Variants in SH3GL3 observed in about 807,000 individuals in gnomAD.
SH3GL3 encodes endophilin-A3.
A neutral mutation model predicts 47.7 loss-of-function variants in SH3GL3; 33 were observed. The ratio of observed to expected loss-of-function variants is 0.69; its 90% CI spans 0.52 to 0.92. SH3GL3 has a LOEUF of 0.92. SH3GL3 is among the 40% of genes least tolerant of loss of function. SH3GL3 has a pLI of 0.00. For missense variants in SH3GL3, 363 were observed against 417.8 expected (o/e 0.87, Z 1.14); for synonymous variants, 155 against 148.8 (o/e 1.04, Z -0.30).
chr15:83,528,914 T>C (rs997183125), intron 1 of SH3GL3, among the ~76,000 whole-genome samples: 1 of 152,264 alleles, frequency 6.6e-6, no homozygotes, highest in African/African-American at 2.4e-5. Flanking sequence ...TCTGCACATC[T>C]GATGTAACAG....
In SH3GL3 at chr15:83,612,585, C is replaced by T. The variant is rs566891107; in HGVS notation, c.839-5497C>T. Among the ~76,000 whole-genome samples the T allele has an allele frequency of 9.2e-5, 14 of 152,316 alleles. No individual in the cohort carries two copies. The South Asian group carries it at 2.9e-3, about 32-fold the overall frequency. On this transcript the variant is annotated intron_variant, in intron 8 of 8. Coordinates refer to ENST00000427482, the MANE Select transcript of SH3GL3 (RefSeq NM_003027.5). ...ACTGGGCTCCAGCCCCCGTGTTAGT[C>T]CAGAGAACTTTGACAGCTGCCTTCT...
intron 2 of SH3GL3, among the ~76,000 whole-genome samples, chr15:83,563,197 C>A (rs1350071121): frequency 6.6e-6 from 1 of 152,144 alleles, no homozygotes; most frequent in African/African-American, 2.4e-5. Context: ...AGCTTGCTTG[C>A]TTTCTATGTA....
intron 6 of SH3GL3, among the ~76,000 whole-genome samples, chr15:83,578,796 G>A (rs28728304): frequency 8.5e-4 from 129 of 151,948 alleles, no homozygotes; most frequent in African/African-American, 2.6e-3. Flanking sequence ...TCAGATTGCC[G>A]TATTGTTTTG....
intron 6 of SH3GL3, among the ~76,000 whole-genome samples, chr15:83,579,464 T>C (rs2059773346): frequency 1.3e-5 from 2 of 152,222 alleles, no homozygotes; most frequent in Non-Finnish European, 2.9e-5. Flanking sequence ...GAAACGGAGA[T>C]GGGCCGCCCA....
chr15:83,468,479 G>T (rs994130848), intron 1 of SH3GL3, among the ~76,000 whole-genome samples: 18 of 152,192 alleles, frequency 1.2e-4, no homozygotes, highest in Non-Finnish European at 2.5e-4. Flanking sequence ...TCACTATTAA[G>T]TGTAGTGTTC....
At chr15:83,461,991 G>A (rs994757630) in intron 1 of SH3GL3, among the ~76,000 whole-genome samples, 1 of 152,192 alleles carries the variant, frequency 6.6e-6, no homozygotes, top group Non-Finnish European at 1.5e-5. Flanking sequence ...TTATATACTT[G>A]TAGAAGGGAC....
intron 1 of SH3GL3, among the ~76,000 whole-genome samples, chr15:83,487,167 T>C (rs535324115): frequency 1.4e-4 from 22 of 152,140 alleles, no homozygotes; most frequent in African/African-American, 5.3e-4. Flanking sequence ...TATTCTTAAA[T>C]GTTTTAATCT....
intron 1 of SH3GL3, among the ~76,000 whole-genome samples, chr15:83,462,517 A>G (rs920752188): frequency 1.3e-5 from 2 of 152,200 alleles, no homozygotes; most frequent in African/African-American, 4.8e-5. Context: ...CCAGTCATGG[A>G]ATACTACCCA....
At chr15:83,464,639 AAAACCAGGACTC>A (rs779942661) in intron 1 of SH3GL3, among the ~76,000 whole-genome samples, 87 of 152,220 alleles carry the variant, frequency 5.7e-4, no homozygotes, top group Non-Finnish European at 1.2e-3. Flanking sequence ...AAGTAAAACA[AAAACCAGGACTC>A]ATCCTTGACA....
At chr15:83,457,695 ATATAT>A (rs768320192) in intron 1 of SH3GL3, among the ~76,000 whole-genome samples, 4 of 152,242 alleles carry the variant, frequency 2.6e-5, no homozygotes, top group Non-Finnish European at 5.9e-5. Flanking sequence ...GCATCAGAAA[ATATAT>A]TAAAGCTAAA....
intron 1 of SH3GL3, among the ~76,000 whole-genome samples, chr15:83,529,992 A>T (rs536759657): frequency 4.8e-4 from 73 of 151,940 alleles, no homozygotes; most frequent in Non-Finnish European, 1.2e-4. Flanking sequence ...GTGGTGTGGG[A>T]CTCTTGAGTG....
Position 83,593,071 on chromosome 15 carries a change from C to A in SH3GL3, c.838+4300C>A, listed in dbSNP as rs771029826. Among the ~76,000 whole-genome samples, 170 of 152,306 alleles carry A rather than the reference C, an allele frequency of 1.1e-3. 1 individual carries two copies. Among genetic ancestry groups the A allele is most frequent in the Non-Finnish European group, 2.1e-3 (145 of 68,030 alleles). ...AGTGCACTATCATTGCATTTCTATT[C>A]TTGTACAATTGTTGTCTTGATGACT... On this transcript the variant is annotated intron_variant, in intron 8 of 8. Coordinates refer to ENST00000427482, the MANE Select transcript of SH3GL3 (RefSeq NM_003027.5).
chr15:83,609,410 CA>C (rs760015165), intron 8 of SH3GL3: 10 of 443,542 alleles, frequency 2.3e-5, no homozygotes, highest in Middle Eastern at 4.5e-4. Flanking sequence ...GGAACAAAAA[CA>C]CTCAAAAGAC....
At chr15:83,554,428 C>T (rs2044836356) in intron 1 of SH3GL3, among the ~76,000 whole-genome samples, 1 of 152,148 alleles carries the variant, frequency 6.6e-6, no homozygotes, top group African/African-American at 2.4e-5. Flanking sequence ...CTCATGTGAT[C>T]CACCACTTCG....
In SH3GL3 at chr15:83,456,799, G is replaced by A. The variant is rs555190381; in HGVS notation, c.45+9221G>A. Among the ~76,000 whole-genome samples, 3 of 152,124 alleles carry A rather than the reference G, an allele frequency of 2.0e-5. No homozygotes were observed. In the East Asian group the frequency reaches 5.8e-4, roughly 30 times the overall value. On this transcript the variant is annotated intron_variant, in intron 1 of 8. Transcript: ENST00000427482. ...TCGCTCACGCTGGGAGCTGTAGACC[G>A]GAGCTGTTCCTATTCGGCCATCTTG...
chr15:83,566,539 C>T (rs1416929428), intron 3 of SH3GL3, among the ~76,000 whole-genome samples: 2 of 152,146 alleles, frequency 1.3e-5, no homozygotes, highest in Admixed American at 6.5e-5. Flanking sequence ...CTTTGGGAGG[C>T]CAAGGCATGA....
intron 1 of SH3GL3, among the ~76,000 whole-genome samples, chr15:83,480,960 G>C (rs17511735): frequency 0.35 from 53,377 of 151,852 alleles, 10,041 homozygotes; most frequent in South Asian, 0.65. Context: ...CCTGGTGCCT[G>C]TTTGTTCTTT....
At chr15:83,594,958 C>T (rs1400451794) in intron 8 of SH3GL3, among the ~76,000 whole-genome samples, 6 of 152,194 alleles carry the variant, frequency 3.9e-5, no homozygotes, top group Non-Finnish European at 7.3e-5. Flanking sequence ...TCTCAGACAA[C>T]TTAAAGCAGA....
intron 1 of SH3GL3, among the ~76,000 whole-genome samples, chr15:83,472,621 A>T (rs2040882562): frequency 1.3e-5 from 2 of 152,186 alleles, no homozygotes; most frequent in South Asian, 4.1e-4. Flanking sequence ...TGCTTCTAGC[A>T]TCTTCACAGT....
Sources: allele counts gnomAD v4.1 joint callset (sites outside exome capture counted in the v4.1 genomes callset), GRCh38; gene constraint gnomAD v4.1.1; transcripts MANE v1.5; gene names NCBI Gene and HGNC (gene_info 2026-07-23, HGNC 2026-07-21).